Variants in VSNL1 observed in about 807,000 individuals in gnomAD.
VSNL1 encodes the protein visinin-like protein 1.
A neutral mutation model predicts 20.4 loss-of-function variants in VSNL1; 6 were observed. That is an observed-to-expected ratio of 0.29 (90% CI 0.16 to 0.58). VSNL1 has a LOEUF of 0.58. Ranked by LOEUF, VSNL1 falls within the 20% of genes least tolerant of loss-of-function variation. VSNL1 has a pLI of 0.90. For synonymous variants in VSNL1, 93 were observed against 86.4 expected (o/e 1.08, Z -0.42); for missense variants, 100 against 234.5 (o/e 0.43, Z 3.75).
At chr2:17,554,495 CT>C (rs550901154) in intron 1 of VSNL1, among the ~76,000 whole-genome samples, 54 of 152,060 alleles carry the variant, frequency 3.6e-4, no homozygotes, top group African/African-American at 1.2e-3. Flanking sequence ...GTACAGAACT[CT>C]TTTTTTTATA....
intron 2 of VSNL1, among the ~76,000 whole-genome samples, chr2:17,621,280 CT>C (rs1203579269): frequency 6.7e-6 from 1 of 149,046 alleles, no homozygotes; most frequent in Non-Finnish European, 1.5e-5. Flanking sequence ...CTTCCTCTTT[CT>C]TTTTTTCTCT....
chr2:17,631,389 T>C (rs1301085550), intron 2 of VSNL1, among the ~76,000 whole-genome samples: 1 of 152,110 alleles, frequency 6.6e-6, no homozygotes, highest in East Asian at 1.9e-4. Flanking sequence ...AAAAAGATAG[T>C]GAACCTCACT....
chr2:17,604,729 C>A (rs903074514), intron 2 of VSNL1, among the ~76,000 whole-genome samples: 2 of 152,190 alleles, frequency 1.3e-5, no homozygotes, highest in Non-Finnish European at 2.9e-5. Flanking sequence ...GGTCTGAAAG[C>A]AAAGACAAAT....
At chr2:17,561,066 G>C (rs989891982) in intron 1 of VSNL1, among the ~76,000 whole-genome samples, 9 of 152,182 alleles carry the variant, frequency 5.9e-5, no homozygotes, top group African/African-American at 2.2e-4. Flanking sequence ...CATTAATTGA[G>C]TGCCTATTAT....
Position 17,573,423 on chromosome 2 carries a change from G to A in VSNL1, c.-5-18647G>A, listed in dbSNP as rs148427951. ...TCAAGACTAAATTTGAAGGGTACAG[G>A]CTACAAACAGGAAGACTACTTAGTT... On this transcript the variant is annotated intron_variant, in intron 1 of 3. Coordinates refer to ENST00000295156, the MANE Select transcript of VSNL1 (RefSeq NM_003385.5). Among the ~76,000 whole-genome samples, 87 of 151,776 alleles carry A rather than the reference G, an allele frequency of 5.7e-4. 1 individual carries two copies. Among genetic ancestry groups the A allele is most frequent in the Non-Finnish European group, 1.8e-4 (12 of 67,942 alleles).
At chr2:17,592,364 A>G in intron 2 of VSNL1, 128 bp downstream of exon 2, 2 of 1,013,008 alleles carry the variant, frequency 2.0e-6, no homozygotes, top group Non-Finnish European at 2.9e-6. Flanking sequence ...TTTTCCATCC[A>G]GAAAGAAAAA....
rs190315628 is a variant in VSNL1 at position 17,568,009 on chromosome 2, A to G, written c.-5-24061A>G. ...TTAAATTAGTCTATTCTTTTTTTAGATGATTCCTTACAAATGGCATATAGC... is the reference window on the plus strand; with the variant it reads ...TTAAATTAGTCTATTCTTTTTTTAGGTGATTCCTTACAAATGGCATATAGC... On this transcript the variant is annotated intron_variant, in intron 1 of 3. Coordinates refer to ENST00000295156, the MANE Select transcript of VSNL1 (RefSeq NM_003385.5). Among the ~76,000 whole-genome samples, 19 of 152,030 alleles carry G rather than the reference A, an allele frequency of 1.2e-4. No homozygotes were observed. In the East Asian group the frequency reaches 3.1e-3, roughly 25 times the overall value.
chr2:17,596,246 C>A (rs933346195), intron 2 of VSNL1, among the ~76,000 whole-genome samples: 2 of 152,172 alleles, frequency 1.3e-5, no homozygotes, highest in African/African-American at 4.8e-5. Flanking sequence ...GTGTGTCTGG[C>A]CACAGAAGTC....
rs146444047 is a variant in VSNL1 at position 17,613,064 on chromosome 2, A to G, written c.162+20828A>G. On this transcript the variant is annotated intron_variant, in intron 2 of 3. Transcript: ENST00000295156. ...GCCATCCTCATCCTTCTTTGTCCTCACTCCCAAATCCACCCCATCACTGTT... is the reference window on the plus strand; with the variant it reads ...GCCATCCTCATCCTTCTTTGTCCTCGCTCCCAAATCCACCCCATCACTGTT... 5.7e-3 allele frequency among the ~76,000 whole-genome samples: 866 copies of G among 151,260 alleles called. 5 individuals carry two copies. Among genetic ancestry groups the G allele is most frequent in the African/African-American group, 0.02 (833 of 41,136 alleles).
At chr2:17,550,081 C>G (rs1393251140) in intron 1 of VSNL1, among the ~76,000 whole-genome samples, 1 of 152,132 alleles carries the variant, frequency 6.6e-6, no homozygotes, top group Non-Finnish European at 1.5e-5. Context: ...ATATTGTGAG[C>G]ATACTTCACA....
At chr2:17,637,793 T>C (rs900828185) in intron 2 of VSNL1, among the ~76,000 whole-genome samples, 10 of 152,228 alleles carry the variant, frequency 6.6e-5, no homozygotes, top group Admixed American at 6.5e-4. Flanking sequence ...GTCTGGTTTA[T>C]ACTGTGCCCA....
chr2:17,576,367 A>G (rs560972311), intron 1 of VSNL1, among the ~76,000 whole-genome samples: 1 of 152,364 alleles, frequency 6.6e-6, no homozygotes, highest in African/African-American at 2.4e-5. Flanking sequence ...TGAAAATGCA[A>G]TAAATATGTG....
chr2:17,601,490 G>T (rs1664818956), intron 2 of VSNL1, among the ~76,000 whole-genome samples: 1 of 151,762 alleles, frequency 6.6e-6, no homozygotes, highest in Admixed American at 6.6e-5. Context: ...ACAAAAATCA[G>T]CCAGGTATCA....
intron 2 of VSNL1, among the ~76,000 whole-genome samples, chr2:17,593,105 T>C (rs1664632466): frequency 6.6e-6 from 1 of 152,242 alleles, no homozygotes; most frequent in Admixed American, 6.5e-5. Context: ...CAGATGTATA[T>C]ATGTGTATGT....
At chr2:17,633,348 C>CAAAAA (rs10706048) in intron 2 of VSNL1, among the ~76,000 whole-genome samples, 4 of 50,538 alleles carry the variant, frequency 7.9e-5, no homozygotes, top group Non-Finnish European at 1.1e-4. Flanking sequence ...ACTAAAAATA[C>CAAAAA]AAAAAAAAAA....
chr2:17,653,733 T>C (rs564964053), intron 3 of VSNL1, among the ~76,000 whole-genome samples: 1 of 152,372 alleles, frequency 6.6e-6, no homozygotes, highest in African/African-American at 2.4e-5. Flanking sequence ...AAAACAACTT[T>C]ATGAGTTATA....
intron 2 of VSNL1, among the ~76,000 whole-genome samples, chr2:17,648,050 T>C (rs537834128): frequency 2.2e-4 from 33 of 152,302 alleles, no homozygotes; most frequent in African/African-American, 7.7e-4. Flanking sequence ...AATAAAATGA[T>C]TGTTGTCATT....
At chr2:17,590,203 A>G (rs867753835) in intron 1 of VSNL1, among the ~76,000 whole-genome samples, 2 of 152,100 alleles carry the variant, frequency 1.3e-5, no homozygotes, top group Non-Finnish European at 2.9e-5. Flanking sequence ...TTAAATAGCT[A>G]TTTTTCTTAG....
chr2:17,556,094 CATCT>C (rs1025367425), intron 1 of VSNL1, among the ~76,000 whole-genome samples: 6 of 152,148 alleles, frequency 3.9e-5, no homozygotes, highest in African/African-American at 1.4e-4. Flanking sequence ...AATACGAACA[CATCT>C]ATGGTTTTAT....
Sources: allele counts gnomAD v4.1 joint callset (sites outside exome capture counted in the v4.1 genomes callset), GRCh38; gene constraint gnomAD v4.1.1; transcripts MANE v1.5; gene names NCBI Gene and HGNC (gene_info 2026-07-23, HGNC 2026-07-21).